Variants in DPP9 observed in about 807,000 individuals in gnomAD.
DPP9 encodes dipeptidyl peptidase 9.
DPP9 carries 50 observed loss-of-function variants against 110.7 expected under a neutral mutation model. The observed-to-expected ratio is 0.45, with a 90% CI of 0.36 to 0.57. The LOEUF is 0.57. Among genes scored for constraint, DPP9 ranks in the 20% least tolerant of loss-of-function variants. The pLI is 0.00. For missense variants in DPP9, 1,022 were observed against 1,217.9 expected (o/e 0.84, Z 2.39); for synonymous variants, 561 against 514.4 (o/e 1.09, Z -1.23).
At position 4,702,724 on chromosome 19, in the gene DPP9, G is replaced by C; in HGVS notation, c.770-8C>G. The C allele has an allele frequency of 6.4e-7, 1 of 1,560,510 alleles. No individual in the cohort carries two copies. Among genetic ancestry groups the C allele is most frequent in the Non-Finnish European group, 8.7e-7 (1 of 1,151,312 alleles). ...CCAGGACATTGGATAAACCTAGGGG[G>C]AGGGACGGAGAGCATCAACAAGGGG... On this transcript the variant is annotated splice_polypyrimidine_tract_variant and splice_region_variant and intron_variant, in intron 7 of 21. Transcript: ENST00000262960.
rs1159217368 is a variant in DPP9, at chr19:4,710,079, G to A, written c.313+4002C>T. On this transcript the variant is annotated intron_variant, in intron 4 of 21. Coordinates refer to ENST00000262960, the MANE Select transcript of DPP9 (RefSeq NM_139159.5). This position sits in a 1 kb window ranked among gnomAD's most constrained non-coding sequence, Gnocchi z 5.6. ...TGACCGCCAAGGGCTGTGGATTTCTGCTGCCCCATCCCTCCTCGGACCTCC... is the reference window on the plus strand; with the variant it reads ...TGACCGCCAAGGGCTGTGGATTTCTACTGCCCCATCCCTCCTCGGACCTCC... Among the ~76,000 whole-genome samples, 3 of 152,220 alleles carry A rather than the reference G, an allele frequency of 2.0e-5. No individual in the cohort carries two copies. Among genetic ancestry groups the A allele is most frequent in the African/African-American group, 7.2e-5 (3 of 41,462 alleles).
In DPP9 at chr19:4,675,865, G is replaced by A. The variant is rs1266529255; in HGVS notation, c.*699C>T. 2.6e-5 allele frequency: 4 copies of A among 152,400 alleles called. No homozygotes were observed. Among genetic ancestry groups the A allele is most frequent in the Non-Finnish European group, 4.4e-5 (3 of 68,192 alleles). The allele number at this position is 152,400 out of a possible 1,614,324, so 9.4% of individuals were successfully genotyped here. A position where few individuals can be genotyped will look rare whatever the true frequency, so the allele number is the denominator to read the frequency against. ...TGGCTCACCGCAACCTCCACCTCCC[G>A]GGTTCAAGCGATTCTCCTGCCTCAG... is the stretch of plus-strand genomic sequence containing the variant. On this transcript the variant is annotated 3_prime_UTR_variant, in exon 22 of 22. Coordinates refer to ENST00000262960, the MANE Select transcript of DPP9 (RefSeq NM_139159.5).
chr19:4,714,270 C>G lies in DPP9; in HGVS notation c.124G>C (p.Asp42His), dbSNP rs1228354097. 2 of 1,560,994 alleles carry G rather than the reference C, an allele frequency of 1.3e-6. No homozygotes were observed. Among genetic ancestry groups the G allele is most frequent in the African/African-American group, 1.4e-5 (1 of 73,784 alleles). The stretch of plus-strand genomic sequence containing the variant: ...GCCGGGTCATCTGTGGCGGCTGCGT[C>G]GCCTCGGTCGGCCGTTGGGGTCCCG... ...TTGTPTADRG[D>H]AAATDDPAAR... Residue 42 changes from aspartate (D) to histidine (H), a missense_variant, in exon 4 of 22, where the codon GAC (aspartate) becomes CAC (histidine). Asp to His is a moderately conservative substitution (Grantham distance 81). This residue lies in a region of DPP9 where 810 missense variants were observed against 920.6 expected (regional missense o/e 0.88). Transcript: ENST00000262960.
In DPP9 at chr19:4,691,803, G is replaced by A. The variant is rs1226556619; in HGVS notation, c.1517-846C>T. On this transcript the variant is annotated intron_variant, in intron 13 of 21. Transcript: ENST00000262960. The stretch of plus-strand genomic sequence containing the variant: ...AGTGATTCTCCTGCCTCAGCCTCCC[G>A]AGTAACTGGGATTACAGGCACCTGC... Among the ~76,000 whole-genome samples the A allele has an allele frequency of 4.1e-5, 6 of 147,066 alleles. 1 individual carries two copies. The highest frequency in any genetic ancestry group is 3.5e-4 in the Admixed American group (5 of 14,436).
intron 19 of DPP9, chr19:4,683,052 GCGGCCCC>G (rs2090142074): frequency 1.3e-6 from 2 of 1,506,494 alleles, no homozygotes; most frequent in Non-Finnish European, 1.8e-6. Context: ...GCGGGCAGGT[GCGGCCCC>G]TCCCCGCCGC....
Position 4,703,942 on chromosome 19 carries a change from A to T in DPP9, c.713T>A (p.Leu238Gln). The T allele has an allele frequency of 6.2e-7, 1 of 1,613,550 alleles. No individual in the cohort carries two copies. Among genetic ancestry groups the T allele is most frequent in the Non-Finnish European group, 8.5e-7 (1 of 1,179,720 alleles). ...GCCTGTCTCGATGTTGGCCACCCAC[A>T]GGTCGCTGTTATTGATGAAGGAGAA... ...AFFSFINNSD[L>Q]WVANIETGEE... Residue 238 changes from leucine (L) to glutamine (Q), a missense_variant, in exon 7 of 22, where the codon CTG becomes CAG. Transcript: ENST00000262960.
intron 16 of DPP9, among the ~76,000 whole-genome samples, chr19:4,686,683 G>T (rs898509193): frequency 6.6e-6 from 1 of 152,240 alleles, no homozygotes; most frequent in Admixed American, 6.5e-5. Flanking sequence ...GATTACAGGC[G>T]TGAGGCACTG....
At chr19:4,714,028 A>G in intron 4 of DPP9, 53 bp downstream of exon 4, 1 of 1,546,304 alleles carries the variant, frequency 6.5e-7, no homozygotes. Flanking sequence ...GGACCAGGGA[A>G]CTGTGGTCCC....
In DPP9 at chr19:4,688,802, G is replaced by A; in HGVS notation, c.1840C>T (p.Leu614=). The stretch of plus-strand genomic sequence containing the variant: ...GCCCAGAAGCGGGGCTGCTTGTGCA[G>A]GGGGTCGTCGTCGGGGCCGCTCAGC... ...YKLSGPDDDP[L]HKQPRFWASM... The change falls in exon 16 of 22, where the codon CTG becomes TTG. Residue 614 remains leucine (L), a synonymous_variant. Transcript: ENST00000262960. 1 of 1,481,906 alleles carries A rather than the reference G, an allele frequency of 6.7e-7. No individual in the cohort carries two copies. The highest frequency in any genetic ancestry group is 1.4e-5 in the South Asian group (1 of 71,154). 91.8% of individuals were successfully genotyped at this position (1,481,906 alleles called of 1,614,324 possible). A position where few individuals can be genotyped will look rare whatever the true frequency, so the allele number is the denominator to read the frequency against.
At position 4,684,786 on chromosome 19, in the gene DPP9, G is replaced by T; in HGVS notation, c.2055C>A (p.Phe685Leu). 1 of 1,599,244 alleles carries T rather than the reference G, an allele frequency of 6.3e-7. No individual in the cohort carries two copies. Reference protein sequence around the residue: ...GPQVQLVNNSFKGIKYLRLNT... With the variant: ...GPQVQLVNNSLKGIKYLRLNT... ...TGAGCCGCAAGTACTTGATGCCTTT[G>T]AAGGAGTTATTCACCAGCTGCACCT... Residue 685 changes from phenylalanine (F) to leucine (L), a missense_variant, in exon 18 of 22, where the codon TTC (phenylalanine) becomes TTA (leucine). Coordinates refer to ENST00000262960, the MANE Select transcript of DPP9 (RefSeq NM_139159.5). The surrounding 1 kb of genome is among the most constrained non-coding windows in gnomAD (Gnocchi z 4.8).
At position 4,694,477 on chromosome 19, in the gene DPP9, GT is replaced by G; in HGVS notation, c.1516+183del. 1 of 734,706 alleles carries G rather than the reference GT, an allele frequency of 1.4e-6. No homozygotes were observed. Among genetic ancestry groups the G allele is most frequent in the Non-Finnish European group, 2.2e-6 (1 of 459,222 alleles). 45.5% of individuals were successfully genotyped at this position (734,706 alleles called of 1,614,324 possible). On this transcript the variant is annotated intron_variant, in intron 13 of 21. Coordinates refer to ENST00000262960, the MANE Select transcript of DPP9 (RefSeq NM_139159.5). The surrounding 1 kb of genome is among the most constrained non-coding windows in gnomAD (Gnocchi z 4.0). ...AATCTGCTGCCTGAATAAGCCAACA[GT>G]TGGGTGCTCTAAGCCCTGCCAGATC...
chr19:4,722,958 G>C (rs2093385863), intron 1 of DPP9, among the ~76,000 whole-genome samples: 1 of 152,204 alleles, frequency 6.6e-6, no homozygotes, highest in South Asian at 2.1e-4. Flanking sequence ...GGAAGTGTCA[G>C]GGCTGGCCTA....
chr19:4,685,503 G>T lies in DPP9; in HGVS notation c.2031+123C>A. 1 of 1,127,532 alleles carries T rather than the reference G, an allele frequency of 8.9e-7. No individual in the cohort carries two copies. Among genetic ancestry groups the T allele is most frequent in the Non-Finnish European group, 1.3e-6 (1 of 787,860 alleles). The allele number at this position is 1,127,532 out of a possible 1,614,324, so 69.8% of individuals were successfully genotyped here. ...GTCAGGGCAGGCGGGGTGGGCTGGG[G>T]CACCAGGCAGGTAGCCGGGGAGCCT... On this transcript the variant is annotated intron_variant, in intron 17 of 21. Transcript: ENST00000262960. The surrounding 1 kb of genome is among the most constrained non-coding windows in gnomAD (Gnocchi z 5.8).
chr19:4,680,883 G>A (rs1242409768), intron 20 of DPP9, among the ~76,000 whole-genome samples: 1 of 152,092 alleles, frequency 6.6e-6, no homozygotes, highest in East Asian at 1.9e-4. Context: ...CTTTAACCTG[G>A]GAGGTGGAGG....
intron 4 of DPP9, among the ~76,000 whole-genome samples, chr19:4,712,977 TC>T (rs1390919629): frequency 1.1e-4 from 16 of 151,842 alleles, no homozygotes; most frequent in Non-Finnish European, 2.2e-4. Flanking sequence ...CCACCATGAG[TC>T]CCATGGATGA....
chr19:4,692,615 C>T (rs1427780501), intron 13 of DPP9, among the ~76,000 whole-genome samples: 5 of 152,154 alleles, frequency 3.3e-5, no homozygotes, highest in Non-Finnish European at 5.9e-5. Flanking sequence ...ACCTCACAGG[C>T]CGGGGGTCCC....
intron 8 of DPP9, 31 bp downstream of exon 8, chr19:4,702,572 G>T (rs372183330): frequency 3.3e-6 from 5 of 1,522,876 alleles, no homozygotes; most frequent in Admixed American, 1.9e-5. Flanking sequence ...AAGCACGCCC[G>T]GGAGCATGTT....
chr19:4,680,953 T>C (rs1403745651), intron 20 of DPP9, among the ~76,000 whole-genome samples: 1 of 152,096 alleles, frequency 6.6e-6, no homozygotes. Flanking sequence ...TGAGACTCTC[T>C]CAACAAAACA....
intron 9 of DPP9, 104 bp downstream of exon 9, chr19:4,701,923 A>G (rs773582666): frequency 6.3e-5 from 93 of 1,464,610 alleles, no homozygotes; most frequent in Non-Finnish European, 7.8e-5. Flanking sequence ...TGCCCAGAGC[A>G]CACACATGCA....
Sources: gnomAD v4.1 joint callset for allele counts (sites outside exome capture counted in the v4.1 genomes callset) on GRCh38, gnomAD v4.1.1 for gene constraint, gnomAD v4.1.1 regional missense constraint, Gnocchi (gnomAD v3.1) non-coding constraint, MANE v1.5 for transcripts, NCBI Gene and HGNC (gene_info 2026-07-23, HGNC 2026-07-21) for gene names.